The following PRRG4 variants were observed in gnomAD, a reference collection of about 807,000 sequenced individuals.
The protein encoded by PRRG4 is transmembrane gamma-carboxyglutamic acid protein 4.
In PRRG4, 12 loss-of-function variants were observed where a neutral mutation model predicts 20.0. The ratio of observed to expected loss-of-function variants is 0.60; its 90% CI spans 0.38 to 0.97. PRRG4 has a LOEUF of 0.97. PRRG4 is among the 50% of genes least tolerant of loss of function. The pLI, the probability that PRRG4 is intolerant of heterozygous loss-of-function variation, is 0.00. For synonymous variants in PRRG4, 94 were observed against 96.4 expected (o/e 0.98, Z 0.15); for missense variants, 199 against 265.1 (o/e 0.75, Z 1.73).
At chr11:32,830,316 C>CACGG in intron 1 of PRRG4, 143 bp downstream of exon 1, 1 of 847,442 alleles carries the variant, frequency 1.2e-6, no homozygotes, top group South Asian at 3.7e-5. Context: ...GGTCACTGGG[C>CACGG]ACGGCGTTTG....
chr11:32,832,376 A>G (rs563935389), intron 2 of PRRG4, among the ~76,000 whole-genome samples: 17 of 152,258 alleles, frequency 1.1e-4, no homozygotes, highest in Non-Finnish European at 1.6e-4. Flanking sequence ...CTCTGCCTCA[A>G]GAGAGTTGTA....
chr11:32,838,879 T>A lies in PRRG4; in HGVS notation c.268-3T>A, dbSNP rs895613666. 6.2e-7 allele frequency: 1 copy of A among 1,606,004 alleles called. No individual in the cohort carries two copies. Reference sequence around the variant, plus strand: ...AAACTTGGGAATTTTACCTTTTTTTTAGATTGCATTTTGGCAGGAATATTC... The same window carrying A: ...AAACTTGGGAATTTTACCTTTTTTTAAGATTGCATTTTGGCAGGAATATTC... On this transcript the variant is annotated splice_polypyrimidine_tract_variant and splice_region_variant and intron_variant, in intron 3 of 5. Transcript: ENST00000257836.
At chr11:32,836,364 G>C (rs1851019637) in intron 2 of PRRG4, among the ~76,000 whole-genome samples, 1 of 151,954 alleles carries the variant, frequency 6.6e-6, no homozygotes, top group South Asian at 2.1e-4. Flanking sequence ...TCAATTGTTG[G>C]AAAAATAATT....
chr11:32,848,701 G>A (rs1851152512), intron 5 of PRRG4, among the ~76,000 whole-genome samples: 2 of 152,032 alleles, frequency 1.3e-5, no homozygotes, highest in South Asian at 4.1e-4. Context: ...GCCAGGGGTG[G>A]TGGCTCATGC....
intron 2 of PRRG4, among the ~76,000 whole-genome samples, chr11:32,834,229 C>G (rs894046538): frequency 6.6e-6 from 1 of 152,078 alleles, no homozygotes; most frequent in Non-Finnish European, 1.5e-5. Context: ...TTAAAGGGCC[C>G]TCTTTGGCTG....
At chr11:32,839,060 C>A in intron 4 of PRRG4, 130 bp downstream of exon 4, 1 of 645,164 alleles carries the variant, frequency 1.5e-6, no homozygotes, top group Non-Finnish European at 2.8e-6. Flanking sequence ...GATTTCTCAA[C>A]TATGCACCGG....
At chr11:32,847,297 GT>G (rs201404119) in intron 5 of PRRG4, among the ~76,000 whole-genome samples, 2,708 of 151,606 alleles carry the variant, frequency 0.018, 84 homozygotes, top group African/African-American at 0.06. Context: ...AATAACCCAC[GT>G]TTTTTTTAGT....
chr11:32,836,913 C>T (rs1851024778), intron 3 of PRRG4, 92 bp downstream of exon 3: 1 of 1,011,482 alleles, frequency 9.9e-7, no homozygotes, highest in Non-Finnish European at 1.5e-6. Flanking sequence ...ATGCCTTAAA[C>T]ACAATCAGGA....
chr11:32,846,054 G>A (rs140810931), intron 5 of PRRG4, among the ~76,000 whole-genome samples: 7 of 152,088 alleles, frequency 4.6e-5, no homozygotes, highest in Middle Eastern at 3.4e-3. Context: ...ACTACTAGGC[G>A]GGCTTAGGTG....
rs1277354705 is a variant in PRRG4 at position 32,857,695 on chromosome 11, TA to T, written c.*4169del. ...CAAAAACTCAATTTCACATTACTCA[TA>T]TTGTTTTTGTTTTAATTGAATGTGA... On this transcript the variant is annotated 3_prime_UTR_variant, in exon 6 of 6. Transcript: ENST00000257836. 5 of 152,236 alleles carry T rather than the reference TA, an allele frequency of 3.3e-5. No individual in the cohort carries two copies. Among genetic ancestry groups the T allele is most frequent in the East Asian group, 1.9e-4 (1 of 5,206 alleles). 9.4% of individuals were successfully genotyped at this position (152,236 alleles called of 1,614,324 possible). A position where few individuals can be genotyped will look rare whatever the true frequency, so the allele number is the denominator to read the frequency against.
intron 5 of PRRG4, among the ~76,000 whole-genome samples, chr11:32,851,277 A>G (rs540909466): frequency 4.5e-4 from 68 of 152,326 alleles, no homozygotes; most frequent in Non-Finnish European, 7.5e-4. Context: ...TAATTATTAC[A>G]TTGTTTCCAT....
At position 32,830,580 on chromosome 11, in the gene PRRG4, GT is replaced by G; in HGVS notation, c.54del (p.Pro19LeufsTer47). On this transcript the variant is annotated frameshift_variant, in exon 2 of 6. Coordinates refer to ENST00000257836, the MANE Select transcript of PRRG4 (RefSeq NM_024081.6). LOFTEE classifies it high-confidence loss of function. Reference protein sequence around the residue: ...LSQLPTVTLGFPHCARGPKAS... With the variant: ...LSQLPTVTLGXPHCARGPKAS... ...GCCAACTGCCCACAGTTACCCTGGG[GT>G]TTCCTCATTGCGCAAGAGGTCCAAA... 1 of 1,612,270 alleles carries G rather than the reference GT, an allele frequency of 6.2e-7. No individual in the cohort carries two copies. Among genetic ancestry groups the G allele is most frequent in the Middle Eastern group, 1.7e-4 (1 of 6,058 alleles).
At chr11:32,843,095 G>A (rs1004586600) in intron 5 of PRRG4, among the ~76,000 whole-genome samples, 2 of 151,984 alleles carry the variant, frequency 1.3e-5, no homozygotes, top group South Asian at 4.2e-4. Context: ...CATCTGCTTC[G>A]GCCTCCCAAA....
In PRRG4 at chr11:32,847,368, G is replaced by T. The variant is rs111979283; in HGVS notation, c.450-5928G>T. ...TGAATGGCCAACAAGCACTTGAAAG[G>T]TGTTCAATGTTGTTAGATATTAAGG... On this transcript the variant is annotated intron_variant, in intron 5 of 5. Transcript: ENST00000257836. Among the ~76,000 whole-genome samples, 249 of 152,212 alleles carry T rather than the reference G, an allele frequency of 1.6e-3. 1 individual carries two copies. The highest frequency in any genetic ancestry group is 4.9e-3 in the African/African-American group (205 of 41,538).
chr11:32,838,822 C>T, intron 3 of PRRG4, 60 bp from the exon 4 acceptor site: 1 of 1,284,294 alleles, frequency 7.8e-7, no homozygotes, highest in Non-Finnish European at 1.1e-6. Flanking sequence ...GTCATTAGGA[C>T]CAAATGAAAT....
chr11:32,845,464 A>T (rs943972978), intron 5 of PRRG4, among the ~76,000 whole-genome samples: 1 of 151,980 alleles, frequency 6.6e-6, no homozygotes, highest in African/African-American at 2.4e-5. Context: ...TCTCTCCTAA[A>T]AATAAAAATA....
intron 5 of PRRG4, among the ~76,000 whole-genome samples, chr11:32,848,754 C>G (rs1237095761): frequency 6.6e-6 from 1 of 151,198 alleles, no homozygotes; most frequent in Non-Finnish European, 1.5e-5. Context: ...GGCAGATCAC[C>G]TGAGGTCAGG....
intron 5 of PRRG4, among the ~76,000 whole-genome samples, chr11:32,847,992 G>C (rs1851146209): frequency 6.6e-6 from 1 of 152,198 alleles, no homozygotes; most frequent in African/African-American, 2.4e-5. Flanking sequence ...ACCTTGGGCT[G>C]GGAGGATAGG....
intron 5 of PRRG4, among the ~76,000 whole-genome samples, chr11:32,845,473 T>TA (rs896987182): frequency 3.1e-4 from 46 of 150,554 alleles, no homozygotes; most frequent in Admixed American, 8.6e-4. Context: ...AAAATAAAAA[T>TA]AAAAAAAAAT....
Sources: allele counts gnomAD v4.1 joint callset (sites outside exome capture counted in the v4.1 genomes callset), GRCh38; gene constraint gnomAD v4.1.1; transcripts MANE v1.5; gene names NCBI Gene and HGNC (gene_info 2026-07-23, HGNC 2026-07-21).